Variants in VTI1A observed in about 807,000 individuals in gnomAD.
The protein encoded by VTI1A is vesicle transport through interaction with t-SNAREs 1A, also known as vesicle transport through interaction with t-SNAREs homolog 1A.
VTI1A carries 22 observed loss-of-function variants against 34.9 expected under a neutral mutation model. The ratio of observed to expected loss-of-function variants is 0.63; its 90% confidence interval spans 0.45 to 0.90. The LOEUF is 0.90. Ranked by LOEUF, VTI1A falls within the 40% of genes least tolerant of loss-of-function variation. VTI1A has a pLI of 0.00. For missense variants in VTI1A, 268 were observed against 275.6 expected, an observed-to-expected ratio of 0.97 and a Z score of 0.20; for synonymous variants, 87 against 97.3, an observed-to-expected ratio of 0.89 and a Z score of 0.62.
chr10:112,590,482 C>T (rs1244638784), intron 5 of VTI1A, among the ~76,000 whole-genome samples: 1 of 151,794 alleles, frequency 6.6e-6, no homozygotes, highest in Non-Finnish European at 1.5e-5. Context: ...CCCTTGAGCC[C>T]AGGAGTTCAA....
intron 7 of VTI1A, among the ~76,000 whole-genome samples, chr10:112,723,275 C>G (rs910269508): frequency 2.6e-5 from 4 of 152,172 alleles, no homozygotes; most frequent in East Asian, 3.8e-4. Flanking sequence ...AGAAAAAGTG[C>G]TCTTCCCTGT....
chr10:112,630,054 G>T (rs1205740205), intron 5 of VTI1A, among the ~76,000 whole-genome samples: 2 of 152,138 alleles, frequency 1.3e-5, no homozygotes, highest in African/African-American at 2.4e-5. Flanking sequence ...AAAGGTGTTT[G>T]TTTTTTTCTC....
chr10:112,471,238 C>T (rs537962791), intron 3 of VTI1A, among the ~76,000 whole-genome samples: 5 of 152,018 alleles, frequency 3.3e-5, no homozygotes, highest in South Asian at 2.1e-4. Context: ...AAAATTCATG[C>T]GGTAATTTGC....
intron 7 of VTI1A, among the ~76,000 whole-genome samples, chr10:112,811,515 T>C (rs565339266): frequency 6.6e-6 from 1 of 151,534 alleles, no homozygotes; most frequent in East Asian, 2.0e-4. Context: ...ACCCCGTCTC[T>C]ACTAAAAATA....
chr10:112,614,242 T>A (rs1043096855), intron 5 of VTI1A, among the ~76,000 whole-genome samples: 1 of 152,166 alleles, frequency 6.6e-6, no homozygotes, highest in Non-Finnish European at 1.5e-5. Flanking sequence ...CTTGTGAGGG[T>A]ACAAGAGCAT....
intron 7 of VTI1A, among the ~76,000 whole-genome samples, chr10:112,739,466 C>T (rs969760614): frequency 1.3e-5 from 2 of 152,118 alleles, no homozygotes; most frequent in East Asian, 1.9e-4. Flanking sequence ...ACCATATGGC[C>T]CCAGATTCTT....
At chr10:112,727,891 G>C (rs1042319686) in intron 7 of VTI1A, among the ~76,000 whole-genome samples, 4 of 151,882 alleles carry the variant, frequency 2.6e-5, no homozygotes, top group African/African-American at 9.7e-5. Flanking sequence ...TGAAAATCTT[G>C]CCTTTAAAAA....
chr10:112,708,106 A>T (rs962422697), intron 7 of VTI1A, among the ~76,000 whole-genome samples: 12 of 152,246 alleles, frequency 7.9e-5, no homozygotes, highest in Admixed American at 1.3e-4. Context: ...GAAGCTAAAC[A>T]CAAGGACTCA....
intron 5 of VTI1A, chr10:112,548,703 T>C (rs912162404): frequency 2.3e-6 from 3 of 1,290,412 alleles, no homozygotes; most frequent in Admixed American, 3.4e-5. Context: ...ACTGCTTTGA[T>C]GACACCCACA....
rs968096101 is a variant in VTI1A at position 112,658,354 on chromosome 10, C to T, written c.428-9864C>T. Among the ~76,000 whole-genome samples, 7 of 152,042 alleles carry T rather than the reference C, an allele frequency of 4.6e-5. No individual in the cohort carries two copies. The South Asian group carries it at 8.3e-4, about 18-fold the overall frequency. On this transcript the variant is annotated intron_variant, in intron 5 of 7. Coordinates refer to ENST00000393077, the MANE Select transcript of VTI1A (RefSeq NM_145206.4). ...CTCCCAGCTGAGCCTCCCAAAGCACCGGTATTACAAGCATGAGCTACCACA... is the reference window on the plus strand; with the variant it reads ...CTCCCAGCTGAGCCTCCCAAAGCACTGGTATTACAAGCATGAGCTACCACA...
chr10:112,591,150 G>A (rs1844370709), intron 5 of VTI1A, among the ~76,000 whole-genome samples: 1 of 152,048 alleles, frequency 6.6e-6, no homozygotes, highest in African/African-American at 2.4e-5. Flanking sequence ...TTTCCATTCT[G>A]GGCAGCATTG....
At chr10:112,579,089 G>A (rs898828625) in intron 5 of VTI1A, among the ~76,000 whole-genome samples, 1 of 152,194 alleles carries the variant, frequency 6.6e-6, no homozygotes, top group Non-Finnish European at 1.5e-5. Flanking sequence ...CAGCAACATG[G>A]AAGATAATCC....
At chr10:112,717,062 T>C (rs1484878540) in intron 7 of VTI1A, among the ~76,000 whole-genome samples, 1 of 152,198 alleles carries the variant, frequency 6.6e-6, no homozygotes, top group Non-Finnish European at 1.5e-5. Flanking sequence ...CCGTTGCACC[T>C]CTGCTGCCCT....
chr10:112,845,117 A>G, the VTI1A span, among the ~76,000 whole-genome samples: 2 of 152,216 alleles, frequency 1.3e-5, no homozygotes. Flanking sequence ...GAGAAAGGGC[A>G]GAGTTGGTGT....
At chr10:112,468,149 C>T (rs1847961915) in intron 3 of VTI1A, among the ~76,000 whole-genome samples, 1 of 152,142 alleles carries the variant, frequency 6.6e-6, no homozygotes, top group African/African-American at 2.4e-5. Context: ...TCTGTGAGGG[C>T]ATTGTAGGCC....
intron 5 of VTI1A, among the ~76,000 whole-genome samples, chr10:112,654,827 T>G (rs766105714): frequency 6.6e-6 from 1 of 152,230 alleles, no homozygotes; most frequent in Non-Finnish European, 1.5e-5. Context: ...TTCCCTTGTC[T>G]TGAGTTTTGT....
chr10:112,809,086 G>GCCT (rs1853197111), intron 7 of VTI1A, among the ~76,000 whole-genome samples: 1 of 152,178 alleles, frequency 6.6e-6, no homozygotes, highest in South Asian at 2.1e-4. Context: ...AGTGGGATCA[G>GCCT]CCTCCCTGAA....
the VTI1A span, among the ~76,000 whole-genome samples, chr10:112,839,583 G>A: frequency 6.6e-6 from 1 of 152,154 alleles, no homozygotes; most frequent in African/African-American, 2.4e-5. Context: ...TGGAATCAGA[G>A]AGACAAGGGT....
chr10:112,780,836 C>T (rs897473460), intron 7 of VTI1A, among the ~76,000 whole-genome samples: 70 of 152,244 alleles, frequency 4.6e-4, no homozygotes, highest in African/African-American at 1.6e-3. Flanking sequence ...TTTTCCTCCC[C>T]GGGCACCCCA....
Sources: allele counts gnomAD v4.1 joint callset (sites outside exome capture counted in the v4.1 genomes callset), GRCh38; gene constraint gnomAD v4.1.1; transcripts MANE v1.5; gene names NCBI Gene and HGNC (gene_info 2026-07-23, HGNC 2026-07-21).